ASNS: variants seen among roughly 807,000 people sequenced by gnomAD.
ASNS encodes the protein asparagine synthetase [glutamine-hydrolyzing].
In ASNS, 37 loss-of-function variants were observed where a neutral mutation model predicts 62.6. That is an observed-to-expected ratio of 0.59 (90% confidence interval 0.45 to 0.78). The LOEUF (loss-of-function observed/expected upper bound fraction) is 0.78, where lower values mean the gene tolerates loss of function less well. ASNS is among the 30% of genes least tolerant of loss of function. The probability of loss-of-function intolerance (pLI) is 0.00; values close to 1 mark genes in which losing one functional copy is unlikely to be tolerated. For synonymous variants in ASNS, 207 were observed against 237.9 expected (o/e 0.87, Z 1.19); for missense variants, 520 against 682.4 (o/e 0.76, Z 2.65).
At position 97,853,498 on chromosome 7, in the gene ASNS, TCATA is replaced by T. The variant is rs1791286901; in HGVS notation, c.1239-116_1239-113del. ...AACCAGATCTTAAGAAATGTTAAGG[TCATA>T]CAGTCACATACAAGCCTCCTAATGA... On this transcript the variant is annotated intron_variant, in intron 10 of 12. Coordinates refer to ENST00000394308, the MANE Select transcript of ASNS (RefSeq NM_001673.5). 1.8e-5 allele frequency: 16 copies of T among 867,088 alleles called. No homozygotes were observed. The East Asian group carries it at 4.2e-4, about 23-fold the overall frequency. The allele number at this position is 867,088 out of a possible 1,614,324, so 53.7% of individuals were successfully genotyped here.
chr7:97,870,513 C>A (rs4727378), intron 1 of ASNS, among the ~76,000 whole-genome samples: 18,875 of 152,048 alleles, frequency 0.12, 1,541 homozygotes, highest in Admixed American at 0.26. Flanking sequence ...TTCCGGAAAA[C>A]CAGAACCAAA....
At chr7:97,884,360 TCA>T in the ASNS span, among the ~76,000 whole-genome samples, 1 of 152,092 alleles carries the variant, frequency 6.6e-6, no homozygotes, top group African/African-American at 2.4e-5. Context: ...ATCAGCCTGG[TCA>T]ACATGGTGGA....
chr7:97,872,759 G>C (rs1421489581), upstream of ASNS, among the ~76,000 whole-genome samples: 1 of 152,212 alleles, frequency 6.6e-6, no homozygotes, highest in Non-Finnish European at 1.5e-5. Flanking sequence ...AGAAAAGCTT[G>C]TCCTAAGAAA....
the ASNS span, among the ~76,000 whole-genome samples, chr7:97,924,163 C>T: frequency 3.3e-5 from 5 of 152,264 alleles, no homozygotes; most frequent in East Asian, 1.9e-4. Context: ...CACAGTAAGA[C>T]TTGCTTCTCT....
At chr7:97,893,057 T>C in the ASNS span, among the ~76,000 whole-genome samples, 1 of 152,268 alleles carries the variant, frequency 6.6e-6, no homozygotes, top group Non-Finnish European at 1.5e-5. Flanking sequence ...GGACTTACAG[T>C]TCTACATTGC....
chr7:97,852,586 T>C, intron 12 of ASNS, 118 bp from the exon 13 acceptor site: 2 of 963,988 alleles, frequency 2.1e-6, no homozygotes, highest in South Asian at 1.5e-5. Flanking sequence ...ATGAGACCCT[T>C]TGAATCACCC....
the ASNS span, chr7:97,908,160 T>G: frequency 6.6e-6 from 1 of 152,300 alleles, no homozygotes. Flanking sequence ...TGCCCTTTAT[T>G]AAGTCAATTA....
intron 3 of ASNS, among the ~76,000 whole-genome samples, chr7:97,867,023 AAGG>A (rs1211949075): frequency 7.6e-6 from 1 of 130,920 alleles, no homozygotes; most frequent in Non-Finnish European, 1.8e-5. Context: ...CTTATTTAAA[AAGG>A]AGAAGGGTCC....
In ASNS at chr7:97,868,798, C is replaced by T. The variant is rs1290401358; in HGVS notation, c.249+110G>A. 4.1e-6 allele frequency: 6 copies of T among 1,473,786 alleles called. No homozygotes were observed. In the East Asian group the frequency reaches 1.4e-4, roughly 34 times the overall value. 91.3% of individuals were successfully genotyped at this position (1,473,786 alleles called of 1,614,324 possible). On this transcript the variant is annotated intron_variant, in intron 3 of 12. Coordinates refer to ENST00000394308, the MANE Select transcript of ASNS (RefSeq NM_001673.5). ...TACTTAGAGCAAATGAGATAACGAA[C>T]ATAGAGTGCTTTGCAAAGGAAAAAG...
chr7:97,862,491 G>A (rs756679509), intron 4 of ASNS, among the ~76,000 whole-genome samples: 9 of 152,292 alleles, frequency 5.9e-5, no homozygotes, highest in Non-Finnish European at 1.0e-4. Flanking sequence ...GTGGAGCACA[G>A]GAGATTTTTA....
At chr7:97,856,553 T>A (rs1791442449) in intron 8 of ASNS, 137 bp downstream of exon 8, 2 of 754,102 alleles carry the variant, frequency 2.7e-6, no homozygotes, top group Admixed American at 3.3e-5. Context: ...TCTTAAATAA[T>A]CAGTAACATA....
intron 3 of ASNS, among the ~76,000 whole-genome samples, chr7:97,867,574 C>T (rs1184516083): frequency 1.3e-5 from 2 of 152,116 alleles, no homozygotes; most frequent in Non-Finnish European, 2.9e-5. Flanking sequence ...AAGGGGAAAG[C>T]CAAGCTGATA....
At chr7:97,890,893 A>G in the ASNS span, among the ~76,000 whole-genome samples, 3 of 152,272 alleles carry the variant, frequency 2.0e-5, no homozygotes, top group Non-Finnish European at 4.4e-5. Context: ...ATCTACCATC[A>G]TGAAAATACA....
the ASNS span, among the ~76,000 whole-genome samples, chr7:97,927,558 T>C: frequency 6.6e-6 from 1 of 152,072 alleles, no homozygotes; most frequent in Non-Finnish European, 1.5e-5. Context: ...GTTTGGTCAC[T>C]GCAGTGCATT....
chr7:97,882,656 A>G, the ASNS span, among the ~76,000 whole-genome samples: 3 of 151,788 alleles, frequency 2.0e-5, no homozygotes, highest in African/African-American at 4.8e-5. Flanking sequence ...TACCACCGAT[A>G]TGAACACCAA....
the ASNS span, among the ~76,000 whole-genome samples, chr7:97,884,016 AG>A: frequency 2.7e-5 from 4 of 150,870 alleles, no homozygotes; most frequent in Non-Finnish European, 5.9e-5. Flanking sequence ...AAATTATAAA[AG>A]GTCACCTTTA....
the ASNS span, among the ~76,000 whole-genome samples, chr7:97,921,923 A>G: frequency 1.3e-5 from 2 of 152,220 alleles, no homozygotes; most frequent in Admixed American, 6.5e-5. Context: ...GTGTACATAC[A>G]CAATGGAATA....
At chr7:97,864,173 G>T in intron 4 of ASNS, 86 bp downstream of exon 4, 4 of 1,225,098 alleles carry the variant, frequency 3.3e-6, no homozygotes, top group Non-Finnish European at 4.5e-6. Flanking sequence ...ATTCTGGATT[G>T]CTCTCTAAGA....
the ASNS span, chr7:97,908,198 T>C: frequency 6.6e-6 from 1 of 152,204 alleles, no homozygotes; most frequent in Non-Finnish European, 1.5e-5. Context: ...AACGTGATTT[T>C]AAATATATAA....
Sources: gnomAD v4.1 joint callset for allele counts (sites outside exome capture counted in the v4.1 genomes callset) on GRCh38, gnomAD v4.1.1 for gene constraint, MANE v1.5 for transcripts, NCBI Gene and HGNC (gene_info 2026-07-23, HGNC 2026-07-21) for gene names.